GPHN: variants seen among roughly 807,000 people sequenced by gnomAD.
The protein encoded by GPHN is gephyrin.
Under a neutral mutation model 95.5 loss-of-function variants are expected in GPHN, and 17 were observed. The observed-to-expected ratio is 0.18, with a 90% CI of 0.12 to 0.27. The LOEUF (loss-of-function observed/expected upper bound fraction) is 0.27, where lower values mean the gene tolerates loss of function less well. Ranked by LOEUF, GPHN falls within the 10% of genes least tolerant of loss-of-function variation. The pLI is 1.00. For missense variants in GPHN, 660 were observed against 978.1 expected (o/e 0.67, Z 4.34); for synonymous variants, 320 against 322.5 (o/e 0.99, Z 0.08).
At chr14:67,377,539 A>G in the GPHN span, among the ~76,000 whole-genome samples, 1 of 152,224 alleles carries the variant, frequency 6.6e-6, no homozygotes, top group Non-Finnish European at 1.5e-5. Context: ...TGTCTCAACA[A>G]ACTTACATAT....
At chr14:67,283,303 T>C in the GPHN span, among the ~76,000 whole-genome samples, 38 of 152,196 alleles carry the variant, frequency 2.5e-4, no homozygotes, top group Admixed American at 1.4e-3. Flanking sequence ...AACTATTAAG[T>C]CAAAAGATTA....
chr14:67,394,409 CAAAA>C, the GPHN span, among the ~76,000 whole-genome samples: 3 of 151,968 alleles, frequency 2.0e-5, no homozygotes, highest in African/African-American at 4.8e-5. Context: ...AAAAGAAAAA[CAAAA>C]AAGCCCCAAG....
chr14:66,717,206 C>A (rs567222785), intron 2 of GPHN, among the ~76,000 whole-genome samples: 29 of 152,212 alleles, frequency 1.9e-4, no homozygotes, highest in African/African-American at 6.3e-4. Flanking sequence ...ATTATTTTTT[C>A]TTTGTCTTTG....
chr14:66,691,391 G>T (rs1015731271), intron 2 of GPHN, among the ~76,000 whole-genome samples: 13 of 151,830 alleles, frequency 8.6e-5, no homozygotes, highest in African/African-American at 2.9e-4. Context: ...CACCGTGATG[G>T]CCAGGATGGT....
the GPHN span, among the ~76,000 whole-genome samples, chr14:67,341,341 G>A: frequency 6.6e-6 from 1 of 151,642 alleles, no homozygotes; most frequent in Non-Finnish European, 1.5e-5. Context: ...TGAGAAGTGA[G>A]GAGACCCTCC....
the GPHN span, among the ~76,000 whole-genome samples, chr14:67,308,064 A>C: frequency 6.6e-6 from 1 of 152,038 alleles, no homozygotes; most frequent in African/African-American, 2.4e-5. Context: ...AACAACACAC[A>C]CTAGGGTCTT....
At position 67,137,306 on chromosome 14, in the gene GPHN, C is replaced by T. The variant is rs539942818; in HGVS notation, c.1749-6056C>T. 2.2e-4 allele frequency among the ~76,000 whole-genome samples: 33 copies of T among 151,684 alleles called. No homozygotes were observed. The East Asian group carries it at 5.6e-3, about 26-fold the overall frequency. The stretch of plus-strand genomic sequence containing the variant: ...GACTACAGGTGCCCGCCACCACGCC[C>T]GGCTAATTTTTTGTATTTTTAGTAG... On this transcript the variant is annotated intron_variant, in intron 17 of 22. Coordinates refer to ENST00000478722, the MANE Select transcript of GPHN (RefSeq NM_020806.5).
intron 1 of GPHN, among the ~76,000 whole-genome samples, chr14:66,612,525 C>A (rs889916932): frequency 6.6e-6 from 1 of 152,018 alleles, no homozygotes; most frequent in Admixed American, 6.6e-5. Context: ...ATTCTTGTTT[C>A]GTTTTTGCAT....
chr14:66,898,996 T>C (rs1209751135), intron 5 of GPHN, among the ~76,000 whole-genome samples: 1 of 151,922 alleles, frequency 6.6e-6, no homozygotes, highest in Non-Finnish European at 1.5e-5. Context: ...GTTTTATTAT[T>C]AATTTAGGTG....
chr14:67,441,599 G>C, the GPHN span, among the ~76,000 whole-genome samples: 1 of 152,140 alleles, frequency 6.6e-6, no homozygotes, highest in Non-Finnish European at 1.5e-5. Context: ...AACATTATTT[G>C]GGGTATCCCG....
the GPHN span, chr14:67,646,757 C>A: frequency 6.3e-7 from 1 of 1,595,122 alleles, no homozygotes; most frequent in Non-Finnish European, 8.6e-7. Context: ...ATGCATTTGG[C>A]TGAAGTTTAG....
the GPHN span, chr14:67,578,043 C>G: frequency 5.0e-6 from 8 of 1,613,746 alleles, no homozygotes; most frequent in Non-Finnish European, 5.9e-6. This position sits in a 1 kb window ranked among gnomAD's most constrained non-coding sequence, Gnocchi z 5.0. Flanking sequence ...TCTTCATCAA[C>G]GTGCCGGTGG....
the GPHN span, among the ~76,000 whole-genome samples, chr14:67,341,514 G>A: frequency 6.6e-6 from 1 of 151,324 alleles, no homozygotes; most frequent in Non-Finnish European, 1.5e-5. Flanking sequence ...AGGGAGGTGG[G>A]GGGGGTCAGC....
intron 2 of GPHN, among the ~76,000 whole-genome samples, chr14:66,766,466 A>G (rs1337510830): frequency 6.6e-6 from 1 of 152,186 alleles, no homozygotes; most frequent in Non-Finnish European, 1.5e-5. Context: ...ATTTAGATAT[A>G]TTGAATGAAA....
At chr14:66,557,445 C>A (rs538479589) in intron 1 of GPHN, among the ~76,000 whole-genome samples, 37 of 152,198 alleles carry the variant, frequency 2.4e-4, no homozygotes, top group Middle Eastern at 3.4e-3. Flanking sequence ...TTTGTACTTA[C>A]AAGTAGAATG....
At chr14:67,361,613 A>G in the GPHN span, among the ~76,000 whole-genome samples, 18 of 152,352 alleles carry the variant, frequency 1.2e-4, no homozygotes, top group Admixed American at 4.6e-4. Context: ...CAGTTTGACC[A>G]TGCACTGTTT....
the GPHN span, chr14:67,198,299 G>A: frequency 1.2e-6 from 2 of 1,613,542 alleles, no homozygotes; most frequent in Non-Finnish European, 1.7e-6. Context: ...CTCCTCCCAT[G>A]TTAGAGAGCA....
the GPHN span, among the ~76,000 whole-genome samples, chr14:67,612,900 G>T: frequency 6.6e-6 from 1 of 151,708 alleles, no homozygotes; most frequent in Non-Finnish European, 1.5e-5. Context: ...AGCCGAGATC[G>T]CACCACTGCA....
chr14:67,089,690 A>G (rs1483676037), intron 12 of GPHN, among the ~76,000 whole-genome samples: 1 of 152,152 alleles, frequency 6.6e-6, no homozygotes, highest in Non-Finnish European at 1.5e-5. Context: ...TCTGCTTTCA[A>G]CTCAAACATC....
Sources: gnomAD v4.1 joint callset for allele counts (sites outside exome capture counted in the v4.1 genomes callset) on GRCh38, gnomAD v4.1.1 for gene constraint, Gnocchi (gnomAD v3.1) non-coding constraint, MANE v1.5 for transcripts, NCBI Gene and HGNC (gene_info 2026-07-23, HGNC 2026-07-21) for gene names.